GALNT14: variants seen among roughly 807,000 people sequenced by gnomAD.
The protein encoded by GALNT14 is UDP-GalNAc:polypeptide N-acetylgalactosaminyltransferase 14.
In GALNT14, 60 loss-of-function variants were observed where a neutral mutation model predicts 77.5. That is an observed-to-expected ratio of 0.77 (90% confidence interval 0.63 to 0.96). The LOEUF is 0.96. Among genes scored for constraint, GALNT14 ranks in the 40% least tolerant of loss-of-function variants. The pLI, the probability that GALNT14 is intolerant of heterozygous loss-of-function variation, is 0.00. For missense variants in GALNT14, 710 were observed against 731.0 expected (o/e 0.97, Z 0.33); for synonymous variants, 280 against 281.7 (o/e 0.99, Z 0.06).
At chr2:31,002,814 A>AG (rs988136017) in intron 1 of GALNT14, among the ~76,000 whole-genome samples, 2 of 152,338 alleles carry the variant, frequency 1.3e-5, no homozygotes, top group Middle Eastern at 3.4e-3. Flanking sequence ...AGTTCCAGTG[A>AG]GGAAGGAGGG....
At chr2:31,002,812 T>G (rs1412203763) in intron 1 of GALNT14, among the ~76,000 whole-genome samples, 1 of 152,144 alleles carries the variant, frequency 6.6e-6, no homozygotes, top group Non-Finnish European at 1.5e-5. Flanking sequence ...CAAGTTCCAG[T>G]GAGGAAGGAG....
At chr2:31,126,228 G>A (rs545056343) in intron 1 of GALNT14, among the ~76,000 whole-genome samples, 1 of 152,292 alleles carries the variant, frequency 6.6e-6, no homozygotes, top group East Asian at 1.9e-4. Context: ...TTCACTCTGG[G>A]AAGCACAGTG....
At chr2:31,121,647 C>T (rs532375644) in intron 1 of GALNT14, among the ~76,000 whole-genome samples, 8 of 152,236 alleles carry the variant, frequency 5.3e-5, no homozygotes, top group South Asian at 2.1e-4. Context: ...AGGAAGACCT[C>T]GCTGCCCACT....
intron 1 of GALNT14, among the ~76,000 whole-genome samples, chr2:31,027,129 T>A (rs1172053615): frequency 6.6e-6 from 1 of 152,228 alleles, no homozygotes; most frequent in Non-Finnish European, 1.5e-5. Context: ...GGCCCTTGCA[T>A]GAGTGTTAAA....
chr2:31,047,947 A>G lies in GALNT14; in HGVS notation c.130-54940T>C, dbSNP rs191552249. ...CTTCCTTCAACTCCAGGTTGTTTCA[A>G]TGCCGGTACCCAGCCTGTCCTCAAC... On this transcript the variant is annotated intron_variant, in intron 1 of 14. Coordinates refer to ENST00000349752, the MANE Select transcript of GALNT14 (RefSeq NM_024572.4). Among the ~76,000 whole-genome samples, 6 of 152,348 alleles carry G rather than the reference A, an allele frequency of 3.9e-5. No individual in the cohort carries two copies. The East Asian group carries it at 7.7e-4, about 20-fold the overall frequency.
At chr2:31,106,928 T>C (rs1386447465) in intron 1 of GALNT14, among the ~76,000 whole-genome samples, 5 of 152,202 alleles carry the variant, frequency 3.3e-5, no homozygotes, top group Admixed American at 2.6e-4. Flanking sequence ...AAGTAAGCTT[T>C]CTTTGTGGAG....
intron 1 of GALNT14, among the ~76,000 whole-genome samples, chr2:31,015,676 A>G (rs1467355144): frequency 6.6e-6 from 1 of 152,238 alleles, no homozygotes; most frequent in Non-Finnish European, 1.5e-5. Flanking sequence ...GGATGTACTG[A>G]CAAGGGCTCA....
chr2:31,065,201 T>A (rs562657459), intron 1 of GALNT14: 1 of 152,252 alleles, frequency 6.6e-6, no homozygotes, highest in African/African-American at 2.4e-5. Context: ...ATTATGTGGA[T>A]GCTTGAGGTC....
At chr2:30,934,855 C>T (rs1449720865) in intron 9 of GALNT14, among the ~76,000 whole-genome samples, 1 of 152,206 alleles carries the variant, frequency 6.6e-6, no homozygotes, top group African/African-American at 2.4e-5. Flanking sequence ...AACTCTGCCC[C>T]AAGCTCTGGC....
intron 1 of GALNT14, among the ~76,000 whole-genome samples, chr2:31,021,801 A>G (rs373039434): frequency 2.0e-5 from 3 of 152,330 alleles, no homozygotes. Context: ...GGTGCAGCAG[A>G]AAGAGCACTG....
intron 1 of GALNT14, among the ~76,000 whole-genome samples, chr2:31,074,977 TCATGTTGAAATGTAATCCC>T: frequency 6.6e-6 from 1 of 152,168 alleles, no homozygotes; most frequent in Admixed American, 6.5e-5. Flanking sequence ...CCTCCAAATC[TCATGTTGAAATGTAATCCC>T]CAGTGTTGGA....
rs556994852 is a variant in GALNT14, at chr2:31,116,255, G to A, written c.129+21703C>T. Among the ~76,000 whole-genome samples, 88 of 151,844 alleles carry A rather than the reference G, an allele frequency of 5.8e-4. 1 individual carries two copies. The highest frequency in any genetic ancestry group is 2.1e-3 in the African/African-American group (85 of 41,402). On this transcript the variant is annotated intron_variant, in intron 1 of 14. Transcript: ENST00000349752. ...CAGCAAAAGTAATAAAATGGAGAAA[G>A]ATAAAAATAAAATAAATAGTATATA...
chr2:31,109,032 A>G (rs970839881), intron 1 of GALNT14, among the ~76,000 whole-genome samples: 21 of 152,232 alleles, frequency 1.4e-4, no homozygotes, highest in African/African-American at 4.8e-4. Context: ...TCTAACCTCA[A>G]CAAGTGAGGA....
Position 31,079,525 on chromosome 2 carries a change from G to A in GALNT14, c.129+58433C>T, listed in dbSNP as rs72854894. Among the ~76,000 whole-genome samples the A allele has an allele frequency of 2.4e-3, 360 of 152,300 alleles. 2 individuals carry two copies. The highest frequency in any genetic ancestry group is 8.3e-3 in the African/African-American group (344 of 41,560). On this transcript the variant is annotated intron_variant, in intron 1 of 14. Transcript: ENST00000349752. The stretch of plus-strand genomic sequence containing the variant: ...AGGTGGAGGTTGTTAAGGGAAGGGT[G>A]CTAAGTCAAAACGGTAGTTGAACAG...
intron 3 of GALNT14, among the ~76,000 whole-genome samples, chr2:30,965,530 G>T (rs897688376): frequency 2.0e-5 from 3 of 152,104 alleles, no homozygotes; most frequent in African/African-American, 7.2e-5. Context: ...TAAGCCTTCT[G>T]GGTGCAGGTC....
rs1664489163 is a variant in GALNT14, at chr2:30,913,389, G to A, written c.1381-1047C>T. ...GGTTACTCATTGGCTACTTCCCCTT[G>A]GCCCAAGAATGAAAAAGTCCACTTA... On this transcript the variant is annotated intron_variant, in intron 13 of 14. Coordinates refer to ENST00000349752, the MANE Select transcript of GALNT14 (RefSeq NM_024572.4). Among the ~76,000 whole-genome samples the A allele has an allele frequency of 2.0e-5, 3 of 152,130 alleles. No homozygotes were observed. The South Asian group carries it at 6.2e-4, about 32-fold the overall frequency.
rs1666595761 is a variant in GALNT14 at position 30,944,894 on chromosome 2, T to C, written c.791A>G (p.Gln264Arg). 1.9e-6 allele frequency: 3 copies of C among 1,611,192 alleles called. No individual in the cohort carries two copies. The highest frequency in any genetic ancestry group is 1.7e-5 in the Admixed American group (1 of 59,898). The change falls in exon 8 of 15, where the codon CAG becomes CGG. Residue 264 changes from glutamine (Q) to arginine (R), a missense_variant. Coordinates refer to ENST00000349752, the MANE Select transcript of GALNT14 (RefSeq NM_024572.4). ...HFQWEQLSPE[Q>R]KARRLDPTEP... ...CGTGGGGTCCAGGCGCCGAGCCTTC[T>C]GCTCTGGGGAGAGCTGCTCCCACTG...
At chr2:31,001,511 C>T (rs1007054972) in intron 1 of GALNT14, among the ~76,000 whole-genome samples, 1 of 152,100 alleles carries the variant, frequency 6.6e-6, no homozygotes, top group Non-Finnish European at 1.5e-5. Context: ...CAAAGTGGTC[C>T]AGATCAGTTG....
intron 1 of GALNT14, among the ~76,000 whole-genome samples, chr2:31,061,957 T>C (rs1674620381): frequency 6.6e-6 from 1 of 152,234 alleles, no homozygotes; most frequent in Admixed American, 6.5e-5. Flanking sequence ...ACAGTTTACA[T>C]GTATTCATAC....
Sources: gnomAD v4.1 joint callset for allele counts (sites outside exome capture counted in the v4.1 genomes callset) on GRCh38, gnomAD v4.1.1 for gene constraint, MANE v1.5 for transcripts, NCBI Gene and HGNC (gene_info 2026-07-23, HGNC 2026-07-21) for gene names.